Variants in GALNTL6 observed in about 807,000 individuals in gnomAD.
The protein encoded by GALNTL6 is polypeptide N-acetylgalactosaminyltransferase like 6.
A neutral mutation model predicts 73.7 loss-of-function variants in GALNTL6; 46 were observed. The ratio of observed to expected loss-of-function variants is 0.62; its 90% CI spans 0.49 to 0.80. The LOEUF (loss-of-function observed/expected upper bound fraction) is 0.80. Ranked by LOEUF, GALNTL6 falls within the 30% of genes least tolerant of loss-of-function variation. The pLI, the probability that GALNTL6 is intolerant of heterozygous loss-of-function variation, is 0.00. For missense variants in GALNTL6, 604 were observed against 755.0 expected (o/e 0.80, Z 2.34); for synonymous variants, 259 against 263.7 (o/e 0.98, Z 0.17).
At chr4:172,474,211 A>G (rs1733152224) in intron 5 of GALNTL6, among the ~76,000 whole-genome samples, 1 of 151,966 alleles carries the variant, frequency 6.6e-6, no homozygotes, top group Non-Finnish European at 1.5e-5. Flanking sequence ...CACACCCATC[A>G]CAACTCCACT....
intron 8 of GALNTL6, among the ~76,000 whole-genome samples, chr4:172,903,560 C>T (rs1453992083): frequency 6.6e-6 from 1 of 152,180 alleles, no homozygotes; most frequent in African/African-American, 2.4e-5. Context: ...TTTTCTCTAA[C>T]ATTAAACCTA....
At chr4:172,825,834 C>A (rs1016763289) in intron 7 of GALNTL6, among the ~76,000 whole-genome samples, 18 of 152,090 alleles carry the variant, frequency 1.2e-4, no homozygotes, top group Non-Finnish European at 2.1e-4. Flanking sequence ...GCCATATTTC[C>A]CTCCTCCCCA....
chr4:171,814,548 T>C lies in GALNTL6; in HGVS notation c.-33T>C. On this transcript the variant is annotated 5_prime_UTR_variant, in exon 2 of 13. Coordinates refer to ENST00000506823, the MANE Select transcript of GALNTL6 (RefSeq NM_001034845.3). ...CACAAGAAGCAGTCAGGGAGCCATCTCCTTTAACTTTTCTTCTCTGTTACC... is the reference window on the plus strand; with the variant it reads ...CACAAGAAGCAGTCAGGGAGCCATCCCCTTTAACTTTTCTTCTCTGTTACC... 6.2e-7 allele frequency: 1 copy of C among 1,611,812 alleles called. No homozygotes were observed. The highest frequency in any genetic ancestry group is 8.5e-7 in the Non-Finnish European group (1 of 1,178,876).
intron 5 of GALNTL6, among the ~76,000 whole-genome samples, chr4:172,638,665 C>T (rs946937925): frequency 2.0e-5 from 3 of 152,110 alleles, no homozygotes; most frequent in South Asian, 2.1e-4. Context: ...GTATAATTAT[C>T]GAAATATAGT....
intron 5 of GALNTL6, among the ~76,000 whole-genome samples, chr4:172,754,459 C>A (rs1224799631): frequency 1.3e-5 from 2 of 151,976 alleles, no homozygotes; most frequent in Non-Finnish European, 2.9e-5. Context: ...GTAATCCCAG[C>A]TACTGAGGAG....
At chr4:171,953,380 G>C (rs1049873719) in intron 2 of GALNTL6, among the ~76,000 whole-genome samples, 3 of 152,062 alleles carry the variant, frequency 2.0e-5, no homozygotes, top group African/African-American at 7.2e-5. Flanking sequence ...ATTGGATCTG[G>C]AGTAGAAAAA....
intron 2 of GALNTL6, among the ~76,000 whole-genome samples, chr4:172,200,085 T>G (rs982176619): frequency 1.3e-5 from 2 of 152,168 alleles, no homozygotes; most frequent in East Asian, 3.8e-4. Context: ...TCACTAGCTA[T>G]TTATCCCAAT....
At chr4:172,884,812 A>C (rs1473073111) in intron 8 of GALNTL6, among the ~76,000 whole-genome samples, 1 of 152,168 alleles carries the variant, frequency 6.6e-6, no homozygotes, top group Non-Finnish European at 1.5e-5. Flanking sequence ...TGAAAGACAA[A>C]GATCTAATTT....
At chr4:172,665,898 C>G (rs531264046) in intron 5 of GALNTL6, among the ~76,000 whole-genome samples, 1 of 152,050 alleles carries the variant, frequency 6.6e-6, no homozygotes, top group Non-Finnish European at 1.5e-5. Context: ...AGTGCCTGTA[C>G]CCTTTCACCT....
chr4:172,864,861 A>T (rs1312201951), intron 7 of GALNTL6, among the ~76,000 whole-genome samples: 1 of 152,176 alleles, frequency 6.6e-6, no homozygotes, highest in East Asian at 1.9e-4. Context: ...AAAAGTATTT[A>T]AAATTATTTT....
intron 2 of GALNTL6, among the ~76,000 whole-genome samples, chr4:172,174,597 A>G (rs1579213531): frequency 1.3e-5 from 2 of 152,164 alleles, no homozygotes; most frequent in Non-Finnish European, 2.9e-5. Flanking sequence ...TTTAATGACT[A>G]TTGATAAAAA....
At chr4:172,686,524 A>T (rs1450096560) in intron 5 of GALNTL6, among the ~76,000 whole-genome samples, 1 of 152,244 alleles carries the variant, frequency 6.6e-6, no homozygotes, top group Non-Finnish European at 1.5e-5. Context: ...CAAGTTACTT[A>T]TATGATTCTA....
chr4:172,465,163 T>C (rs1377315989), intron 5 of GALNTL6, among the ~76,000 whole-genome samples: 2 of 152,152 alleles, frequency 1.3e-5, no homozygotes, highest in Non-Finnish European at 2.9e-5. Flanking sequence ...ATATCTCCAT[T>C]TGATGGTCTG....
chr4:171,936,594 C>T (rs1738351562), intron 2 of GALNTL6, among the ~76,000 whole-genome samples: 1 of 152,030 alleles, frequency 6.6e-6, no homozygotes, highest in Admixed American at 6.6e-5. Flanking sequence ...TCATTTGTGC[C>T]TGCAAGTTAA....
intron 2 of GALNTL6, among the ~76,000 whole-genome samples, chr4:172,008,729 T>C (rs1740909588): frequency 6.6e-6 from 1 of 152,126 alleles, no homozygotes; most frequent in African/African-American, 2.4e-5. Context: ...GTCTTGTTTT[T>C]CAGGCTTTAG....
chr4:172,515,854 G>T (rs541633141), intron 5 of GALNTL6, among the ~76,000 whole-genome samples: 1 of 152,128 alleles, frequency 6.6e-6, no homozygotes, highest in Admixed American at 6.5e-5. Flanking sequence ...GGCACAGCAC[G>T]GCATTCATTG....
intron 2 of GALNTL6, among the ~76,000 whole-genome samples, chr4:172,192,734 T>C (rs1735624969): frequency 6.6e-6 from 1 of 152,186 alleles, no homozygotes; most frequent in Non-Finnish European, 1.5e-5. Flanking sequence ...AGCACAGAGC[T>C]GTGCAGATGC....
intron 5 of GALNTL6, among the ~76,000 whole-genome samples, chr4:172,470,074 G>A (rs996967281): frequency 5.9e-5 from 9 of 152,288 alleles, no homozygotes; most frequent in African/African-American, 1.9e-4. Flanking sequence ...AGTTGTACAC[G>A]GCATGGACTG....
chr4:172,102,230 C>G (rs1241625062), intron 2 of GALNTL6, among the ~76,000 whole-genome samples: 1 of 152,108 alleles, frequency 6.6e-6, no homozygotes, highest in Admixed American at 6.5e-5. Flanking sequence ...AAATAGAAAG[C>G]TAGGATATGT....
Sources: allele counts gnomAD v4.1 joint callset (sites outside exome capture counted in the v4.1 genomes callset), GRCh38; gene constraint gnomAD v4.1.1; transcripts MANE v1.5; gene names NCBI Gene and HGNC (gene_info 2026-07-23, HGNC 2026-07-21).